The following CADM2 variants were observed in gnomAD, a reference collection of about 807,000 sequenced individuals.
CADM2 encodes immunoglobulin superfamily member 4D.
CADM2 carries 12 observed loss-of-function variants against 49.8 expected under a neutral mutation model. The ratio of observed to expected loss-of-function variants is 0.24; its 90% confidence interval spans 0.15 to 0.39. The LOEUF is 0.39. CADM2 is among the 10% of genes least tolerant of loss of function. CADM2 has a pLI of 1.00. For synonymous variants in CADM2, 214 were observed against 175.4 expected (o/e 1.22, Z -1.74); for missense variants, 378 against 492.3 (o/e 0.77, Z 2.20).
At chr3:85,140,634 G>C (rs1328558247) in intron 1 of CADM2, among the ~76,000 whole-genome samples, 1 of 152,148 alleles carries the variant, frequency 6.6e-6, no homozygotes. Context: ...TTATTGTGTT[G>C]AGTTTGAAGA....
intron 1 of CADM2, among the ~76,000 whole-genome samples, chr3:85,329,564 C>A (rs951242750): frequency 1.3e-5 from 2 of 151,802 alleles, no homozygotes; most frequent in Admixed American, 1.3e-4. Context: ...CCAGCCTGGG[C>A]GACAGAACAA....
At chr3:85,269,424 A>G (rs1371930533) in intron 1 of CADM2, among the ~76,000 whole-genome samples, 1 of 151,410 alleles carries the variant, frequency 6.6e-6, no homozygotes, top group Non-Finnish European at 1.5e-5. Context: ...CCAAAAAGTA[A>G]ATTAATTAAT....
intron 2 of CADM2, among the ~76,000 whole-genome samples, chr3:85,790,311 A>G (rs180865813): frequency 6.6e-6 from 1 of 152,322 alleles, no homozygotes; most frequent in Non-Finnish European, 1.5e-5. Context: ...CCTGTCATAG[A>G]CACAGCACAT....
intron 8 of CADM2, among the ~76,000 whole-genome samples, chr3:86,037,342 A>C (rs1378295981): frequency 6.6e-6 from 1 of 152,192 alleles, no homozygotes; most frequent in Admixed American, 6.5e-5. Flanking sequence ...AGCCTCCATT[A>C]CACATTGGTT....
At position 85,169,719 on chromosome 3, in the gene CADM2, C is replaced by T. The variant is rs7622238; in HGVS notation, c.61+210051C>T. Among the ~76,000 whole-genome samples, 1,204 of 152,152 alleles carry T rather than the reference C, an allele frequency of 7.9e-3. 15 individuals are homozygous for T. The highest frequency in any genetic ancestry group is 0.027 in the African/African-American group (1,101 of 41,518). On this transcript the variant is annotated intron_variant, in intron 1 of 9. Coordinates refer to ENST00000383699, the MANE Select transcript of CADM2 (RefSeq NM_001167675.2). ...CCCTGGAGACGAAGGTTGCAGTGAG[C>T]GAGGTGGAGCCACTACACTCCAGCA...
intron 1 of CADM2, among the ~76,000 whole-genome samples, chr3:85,549,335 G>A (rs2061741366): frequency 6.6e-6 from 1 of 152,144 alleles, no homozygotes; most frequent in African/African-American, 2.4e-5. Context: ...GGAGAATCCA[G>A]TCTGGAAAAA....
At chr3:85,387,522 A>G (rs1172405846) in intron 1 of CADM2, among the ~76,000 whole-genome samples, 1 of 152,134 alleles carries the variant, frequency 6.6e-6, no homozygotes, top group Non-Finnish European at 1.5e-5. Flanking sequence ...TAAAATCCTG[A>G]TACTGACAAA....
chr3:85,835,720 G>GTATA (rs377757726), intron 3 of CADM2, among the ~76,000 whole-genome samples: 3 of 144,208 alleles, frequency 2.1e-5, no homozygotes, highest in Admixed American at 7.1e-5. Context: ...ATGTGTATGT[G>GTATA]TATATATATA....
At chr3:86,042,278 A>G (rs903871939) in intron 8 of CADM2, among the ~76,000 whole-genome samples, 9 of 152,164 alleles carry the variant, frequency 5.9e-5, no homozygotes, top group African/African-American at 2.2e-4. Context: ...CAAAAAATCA[A>G]TGAATCCAGG....
chr3:85,671,504 G>T (rs971487584), intron 1 of CADM2, among the ~76,000 whole-genome samples: 1 of 152,148 alleles, frequency 6.6e-6, no homozygotes, highest in Non-Finnish European at 1.5e-5. Context: ...GTGAATAGCT[G>T]CCAAGTGACT....
At chr3:85,784,601 G>A (rs920290220) in intron 2 of CADM2, among the ~76,000 whole-genome samples, 3 of 151,936 alleles carry the variant, frequency 2.0e-5, no homozygotes, top group Non-Finnish European at 2.9e-5. Context: ...TTTCACATCT[G>A]TTAAAGCATA....
At chr3:85,774,589 A>G (rs1434765113) in intron 2 of CADM2, among the ~76,000 whole-genome samples, 1 of 151,636 alleles carries the variant, frequency 6.6e-6, no homozygotes, top group Non-Finnish European at 1.5e-5. Context: ...AACCAGAAAT[A>G]TTGCTACTGT....
intron 1 of CADM2, among the ~76,000 whole-genome samples, chr3:85,150,893 T>C (rs2039900051): frequency 6.6e-6 from 1 of 150,642 alleles, no homozygotes; most frequent in African/African-American, 2.5e-5. Context: ...CGGGCGACAA[T>C]GCGAGACGCT....
At chr3:85,263,635 A>T (rs2043060958) in intron 1 of CADM2, among the ~76,000 whole-genome samples, 1 of 152,158 alleles carries the variant, frequency 6.6e-6, no homozygotes. Flanking sequence ...ATACTATTTC[A>T]GTAAATTACT....
intron 3 of CADM2, among the ~76,000 whole-genome samples, chr3:85,859,224 C>CTTTT (rs397990427): frequency 0.012 from 820 of 70,616 alleles, 116 homozygotes; most frequent in Middle Eastern, 0.037. Context: ...TTTTTTTTGT[C>CTTTT]TTTTTTTTTT....
At chr3:85,390,987 C>T (rs2034490197) in intron 1 of CADM2, among the ~76,000 whole-genome samples, 1 of 152,026 alleles carries the variant, frequency 6.6e-6, no homozygotes, top group Admixed American at 6.6e-5. Context: ...GCATATATTC[C>T]TAGGTGCATC....
chr3:86,030,395 C>A (rs1009651830), intron 8 of CADM2, among the ~76,000 whole-genome samples: 6 of 151,794 alleles, frequency 4.0e-5, no homozygotes, highest in Non-Finnish European at 5.9e-5. Flanking sequence ...AAAGAAATAC[C>A]TGGAACTCTT....
At chr3:85,456,365 T>C (rs888827025) in intron 1 of CADM2, among the ~76,000 whole-genome samples, 1 of 152,104 alleles carries the variant, frequency 6.6e-6, no homozygotes, top group African/African-American at 2.4e-5. Flanking sequence ...CACAATACTA[T>C]AGCCAGTATT....
intron 8 of CADM2, among the ~76,000 whole-genome samples, chr3:85,969,065 C>T (rs1725802788): frequency 6.6e-6 from 1 of 151,540 alleles, no homozygotes; most frequent in Admixed American, 6.6e-5. Context: ...CTCCATCATC[C>T]TCTCTGGCTT....
Sources: allele counts gnomAD v4.1 joint callset (sites outside exome capture counted in the v4.1 genomes callset), GRCh38; gene constraint gnomAD v4.1.1; transcripts MANE v1.5; gene names NCBI Gene and HGNC (gene_info 2026-07-23, HGNC 2026-07-21).